The following ALK variants were observed in gnomAD, a reference collection of about 807,000 sequenced individuals.
The protein encoded by ALK is ALK receptor tyrosine kinase, also known as ALK tyrosine kinase receptor.
Under a neutral mutation model 163.1 loss-of-function variants are expected in ALK, and 74 were observed. The observed-to-expected ratio is 0.45, with a 90% CI of 0.38 to 0.55. The LOEUF (loss-of-function observed/expected upper bound fraction) is 0.55. ALK is among the 20% of genes least tolerant of loss of function. ALK has a pLI of 0.00. For missense variants in ALK, 2,063 were observed against 2,105.3 expected (o/e 0.98, Z 0.39); for synonymous variants, 960 against 843.2 (o/e 1.14, Z -2.40).
At chr2:29,506,750 ACAAAAC>A (rs1672337656) in intron 4 of ALK, among the ~76,000 whole-genome samples, 14 of 125,458 alleles carry the variant, frequency 1.1e-4, no homozygotes, top group African/African-American at 2.6e-4. Flanking sequence ...CGTCTCAAAA[ACAAAAC>A]AAAAAAAAAA....
chr2:29,558,025 C>T (rs1673913227), intron 3 of ALK, among the ~76,000 whole-genome samples: 1 of 152,164 alleles, frequency 6.6e-6, no homozygotes, highest in South Asian at 2.1e-4. Context: ...ACACTGCATT[C>T]CTTGTTTGAT....
intron 5 of ALK, among the ~76,000 whole-genome samples, chr2:29,381,303 G>C (rs1352727522): frequency 6.6e-6 from 1 of 152,280 alleles, no homozygotes; most frequent in African/African-American, 2.4e-5. Flanking sequence ...CGAGTGCTCT[G>C]TCAATGTTAG....
At chr2:29,197,289 G>T (rs1488235260) in intron 27 of ALK, among the ~76,000 whole-genome samples, 1 of 152,172 alleles carries the variant, frequency 6.6e-6, no homozygotes, top group Non-Finnish European at 1.5e-5. Flanking sequence ...GGAGCTTGGG[G>T]AATGTAGGCC....
At chr2:29,619,837 T>C (rs997225316) in intron 3 of ALK, among the ~76,000 whole-genome samples, 3 of 152,126 alleles carry the variant, frequency 2.0e-5, no homozygotes, top group African/African-American at 7.2e-5. Flanking sequence ...CTTCTGACAA[T>C]GGGAAGGATG....
chr2:29,479,717 G>C (rs1352311019), intron 4 of ALK, among the ~76,000 whole-genome samples: 1 of 152,216 alleles, frequency 6.6e-6, no homozygotes, highest in Non-Finnish European at 1.5e-5. Context: ...ACATGGGGCA[G>C]CTTGGCTGTG....
chr2:29,267,722 G>A (rs1368585762), intron 11 of ALK, among the ~76,000 whole-genome samples: 2 of 152,084 alleles, frequency 1.3e-5, no homozygotes, highest in Admixed American at 6.5e-5. Context: ...CTCCAGGCCC[G>A]GATGAATTAA....
intron 4 of ALK, among the ~76,000 whole-genome samples, chr2:29,491,570 T>C (rs575486670): frequency 5.3e-5 from 8 of 152,308 alleles, no homozygotes; most frequent in African/African-American, 1.4e-4. Context: ...TGAATACACA[T>C]AGCACGAGCA....
intron 1 of ALK, among the ~76,000 whole-genome samples, chr2:29,719,481 G>A (rs1171299638): frequency 2.0e-5 from 3 of 152,318 alleles, no homozygotes; most frequent in Non-Finnish European, 2.9e-5. Context: ...GCAAAGCCAC[G>A]TAGGGTTACT....
intron 3 of ALK, among the ~76,000 whole-genome samples, chr2:29,687,073 G>A (rs1388274897): frequency 6.6e-6 from 1 of 152,036 alleles, no homozygotes; most frequent in Non-Finnish European, 1.5e-5. Context: ...CATCCACCCA[G>A]TGACCTTAGT....
chr2:29,328,876 C>T (rs1348873210), intron 5 of ALK, among the ~76,000 whole-genome samples: 1 of 152,192 alleles, frequency 6.6e-6, no homozygotes, highest in East Asian at 1.9e-4. Context: ...TTTGGGGTAC[C>T]AAGAGGTGGA....
chr2:29,509,046 G>A (rs1053229946), intron 4 of ALK, among the ~76,000 whole-genome samples: 2 of 152,134 alleles, frequency 1.3e-5, no homozygotes, highest in Admixed American at 6.5e-5. Flanking sequence ...ATCTGTGGAC[G>A]GAGGGGAACA....
chr2:29,389,300 A>G (rs1669106814), intron 4 of ALK, among the ~76,000 whole-genome samples: 1 of 152,216 alleles, frequency 6.6e-6, no homozygotes, highest in Non-Finnish European at 1.5e-5. Flanking sequence ...GGCCAAAGTG[A>G]TGTCTCCAAA....
chr2:29,539,052 C>CA (rs1408993799), intron 3 of ALK, among the ~76,000 whole-genome samples: 2 of 151,854 alleles, frequency 1.3e-5, no homozygotes, highest in Non-Finnish European at 2.9e-5. Context: ...CTTCCACACC[C>CA]CCCTCCCAAA....
intron 1 of ALK, among the ~76,000 whole-genome samples, chr2:29,896,406 G>C (rs1667272628): frequency 2.0e-5 from 3 of 152,176 alleles, no homozygotes; most frequent in Admixed American, 2.0e-4. Flanking sequence ...TGCATTTGGA[G>C]ATCCAGCCTT....
rs558282902 is a variant in ALK at position 29,223,369 on chromosome 2, A to G, written c.3332T>C (p.Val1111Ala). Residue 1111 changes from valine (V) to alanine (A), a missense_variant, in exon 20 of 29, where the codon GTG (valine) becomes GCG (alanine). Val to Ala is a moderately conservative substitution (Grantham distance 64). Transcript: ENST00000389048. ...AATGAGGGTGATGTTTTTCCGCGGC[A>G]CCTCCTTCAGGTCACTGATGGAGGA... ...KTSSISDLKE[V>A]PRKNITLIRG... is the part of the protein sequence containing the mutation. The G allele has an allele frequency of 6.2e-7, 1 of 1,613,912 alleles. No individual in the cohort carries two copies. Among genetic ancestry groups the G allele is most frequent in the East Asian group, 2.2e-5 (1 of 44,860 alleles).
chr2:29,338,324 G>C (rs186666628), intron 5 of ALK, among the ~76,000 whole-genome samples: 72 of 152,326 alleles, frequency 4.7e-4, no homozygotes, highest in African/African-American at 1.6e-3. Context: ...CTCACCACCA[G>C]AGTCAGCTTT....
At chr2:29,730,606 T>C (rs560690648) in intron 1 of ALK, among the ~76,000 whole-genome samples, 127 of 152,250 alleles carry the variant, frequency 8.3e-4, no homozygotes, top group African/African-American at 3.0e-3. Flanking sequence ...AATCCCAACT[T>C]ACACAAGAGG....
rs140739571 is a variant in ALK at position 29,610,572 on chromosome 2, G to A, written c.953-78456C>T. On this transcript the variant is annotated intron_variant, in intron 3 of 28. Coordinates refer to ENST00000389048, the MANE Select transcript of ALK (RefSeq NM_004304.5). Reference sequence around the variant, plus strand: ...GCCAGCAAACTCGATTCCAAGCAGCGGCAGATAGGAGAACTTGGTCTGTTG... The same window carrying A: ...GCCAGCAAACTCGATTCCAAGCAGCAGCAGATAGGAGAACTTGGTCTGTTG... Among the ~76,000 whole-genome samples the A allele has an allele frequency of 2.0e-3, 303 of 152,130 alleles. 2 individuals carry two copies. Among genetic ancestry groups the A allele is most frequent in the Admixed American group, 4.1e-3 (62 of 15,260 alleles).
chr2:29,197,262 G>A (rs994387321), intron 27 of ALK, among the ~76,000 whole-genome samples: 3 of 152,148 alleles, frequency 2.0e-5, no homozygotes, highest in Admixed American at 2.0e-4. Context: ...CTGGGCCTGG[G>A]ACACACATTC....
Sources: allele counts gnomAD v4.1 joint callset (sites outside exome capture counted in the v4.1 genomes callset), GRCh38; gene constraint gnomAD v4.1.1; transcripts MANE v1.5; gene names NCBI Gene and HGNC (gene_info 2026-07-23, HGNC 2026-07-21).